The following IQCM variants were observed in gnomAD, a reference collection of about 807,000 sequenced individuals.
IQCM encodes the protein IQ domain-containing protein M.
A neutral mutation model predicts 57.6 loss-of-function variants in IQCM; 45 were observed. That is an observed-to-expected ratio of 0.78 (90% CI 0.62 to 1.00). The LOEUF (loss-of-function observed/expected upper bound fraction) is 1.00, where lower values mean the gene tolerates loss of function less well. Ranked by LOEUF, IQCM falls within the 50% of genes least tolerant of loss-of-function variation. The pLI is 0.00. For synonymous variants in IQCM, 148 were observed against 158.9 expected, an observed-to-expected ratio of 0.93 and a Z score of 0.51; for missense variants, 468 against 511.6, an observed-to-expected ratio of 0.91 and a Z score of 0.82.
chr4:149,382,665 A>G (rs1251822548), intron 13 of IQCM, among the ~76,000 whole-genome samples: 1 of 152,156 alleles, frequency 6.6e-6, no homozygotes, highest in African/African-American at 2.4e-5. Flanking sequence ...TTCTCAGATA[A>G]AAACACAATG....
At chr4:149,409,443 G>A (rs1285492089) in intron 13 of IQCM, among the ~76,000 whole-genome samples, 1 of 152,188 alleles carries the variant, frequency 6.6e-6, no homozygotes, top group Non-Finnish European at 1.5e-5. Flanking sequence ...TATCAATCTG[G>A]CATTTCACTA....
chr4:149,593,276 G>C (rs1579619398), intron 8 of IQCM, among the ~76,000 whole-genome samples: 1 of 151,980 alleles, frequency 6.6e-6, no homozygotes, highest in African/African-American at 2.4e-5. Context: ...TTGGTGTATA[G>C]GAATGCTTGT....
rs538988252 is a variant in IQCM, at chr4:149,645,160, C to T, written c.566-23916G>A. ...TTCCTCCTCATTTACTCTTTAGTTT[C>T]CAGAAATGTCTTATACATGTAGGTT... On this transcript the variant is annotated intron_variant, in intron 7 of 13. Coordinates refer to ENST00000636793, the MANE Select transcript of IQCM (RefSeq NM_001363507.2). Among the ~76,000 whole-genome samples the T allele has an allele frequency of 2.8e-3, 431 of 152,244 alleles. 4 individuals are homozygous for T. Among genetic ancestry groups the T allele is most frequent in the Non-Finnish European group, 5.0e-3 (340 of 68,010 alleles).
At chr4:149,554,557 G>A (rs927178441) in intron 10 of IQCM, among the ~76,000 whole-genome samples, 4 of 151,714 alleles carry the variant, frequency 2.6e-5, no homozygotes, top group Non-Finnish European at 4.4e-5. Context: ...CTCATGATCT[G>A]CCCACCTCGG....
intron 7 of IQCM, among the ~76,000 whole-genome samples, chr4:149,649,303 G>A (rs1758946380): frequency 6.6e-6 from 1 of 151,878 alleles, no homozygotes; most frequent in South Asian, 2.1e-4. Context: ...ATGCAGCGAG[G>A]GTCTTTTATG....
intron 12 of IQCM, among the ~76,000 whole-genome samples, chr4:149,449,975 T>C (rs1229795989): frequency 1.3e-5 from 2 of 151,766 alleles, no homozygotes; most frequent in East Asian, 1.9e-4. Context: ...ACAGCTATGG[T>C]AACCAAAATA....
At chr4:149,770,049 A>C (rs777913749) in intron 2 of IQCM, among the ~76,000 whole-genome samples, 1 of 152,060 alleles carries the variant, frequency 6.6e-6, no homozygotes, top group South Asian at 2.1e-4. Context: ...TAAACTCCAA[A>C]GCTCATTCTT....
chr4:149,426,717 G>A (rs1349263960), intron 13 of IQCM, among the ~76,000 whole-genome samples: 1 of 151,978 alleles, frequency 6.6e-6, no homozygotes, highest in East Asian at 1.9e-4. Flanking sequence ...CTGCTGGAGT[G>A]TCCTCATGAC....
At chr4:149,452,292 C>A (rs557016365) in intron 12 of IQCM, among the ~76,000 whole-genome samples, 2 of 150,856 alleles carry the variant, frequency 1.3e-5, no homozygotes, top group South Asian at 4.2e-4. Flanking sequence ...AGATTCAATG[C>A]AATCCCAATT....
At chr4:149,739,362 A>G (rs1230769445) in intron 3 of IQCM, among the ~76,000 whole-genome samples, 2 of 152,076 alleles carry the variant, frequency 1.3e-5, no homozygotes, top group East Asian at 3.8e-4. Context: ...AAAACAGCAC[A>G]GCACCTAACA....
chr4:149,354,746 T>C (rs1728839273), intron 13 of IQCM, among the ~76,000 whole-genome samples: 1 of 152,160 alleles, frequency 6.6e-6, no homozygotes, highest in African/African-American at 2.4e-5. Flanking sequence ...TTCCCTACTT[T>C]TGAAATTGGG....
intron 12 of IQCM, among the ~76,000 whole-genome samples, chr4:149,542,375 G>A (rs1747937496): frequency 6.6e-6 from 1 of 152,060 alleles, no homozygotes; most frequent in African/African-American, 2.4e-5. Context: ...GGCAGCTCTT[G>A]CTATCAAGAA....
At chr4:149,746,830 T>A (rs1024718136) in intron 2 of IQCM, among the ~76,000 whole-genome samples, 2 of 152,140 alleles carry the variant, frequency 1.3e-5, no homozygotes, top group African/African-American at 2.4e-5. Context: ...TGGGCAAGAG[T>A]TCGTGCCTCC....
intron 13 of IQCM, among the ~76,000 whole-genome samples, chr4:149,430,439 C>A (rs1282091954): frequency 2.0e-5 from 3 of 151,884 alleles, no homozygotes; most frequent in African/African-American, 2.4e-5. Flanking sequence ...GAAATGATAA[C>A]CACAATCAAG....
At chr4:149,576,341 C>A (rs1265296251) in intron 9 of IQCM, among the ~76,000 whole-genome samples, 1 of 151,716 alleles carries the variant, frequency 6.6e-6, no homozygotes, top group Non-Finnish European at 1.5e-5. Context: ...GTCTATTGTG[C>A]CCTTCCTTGT....
Position 149,505,262 on chromosome 4 carries a change from T to C in IQCM, c.1228+43193A>G, listed in dbSNP as rs558261717. ...AAAGAAAACAGAAATTGCTCAGTTA[T>C]AGAACATCAATGACTAGATGTAATT... On this transcript the variant is annotated intron_variant, in intron 12 of 13. Coordinates refer to ENST00000636793, the MANE Select transcript of IQCM (RefSeq NM_001363507.2). Among the ~76,000 whole-genome samples, 21 of 152,308 alleles carry C rather than the reference T, an allele frequency of 1.4e-4. No individual in the cohort carries two copies. In the East Asian group the frequency reaches 3.3e-3, roughly 24 times the overall value.
At chr4:149,502,798 C>T (rs906266365) in intron 12 of IQCM, among the ~76,000 whole-genome samples, 3 of 152,136 alleles carry the variant, frequency 2.0e-5, no homozygotes, top group Admixed American at 1.3e-4. Flanking sequence ...ATCATCCTGA[C>T]AGAATGTAGA....
chr4:149,449,784 A>G (rs1188232494), intron 12 of IQCM, among the ~76,000 whole-genome samples: 1 of 151,830 alleles, frequency 6.6e-6, no homozygotes, highest in Non-Finnish European at 1.5e-5. Flanking sequence ...ATACTACCCA[A>G]AGAAATCTAC....
chr4:149,739,291 A>T (rs67312274), intron 3 of IQCM, among the ~76,000 whole-genome samples: 128,631 of 151,974 alleles, frequency 0.85, 54,641 homozygotes, highest in East Asian at 0.99. Flanking sequence ...ATTTGTAAAC[A>T]GAGGATAATA....
Sources: gnomAD v4.1 joint callset for allele counts (sites outside exome capture counted in the v4.1 genomes callset) on GRCh38, gnomAD v4.1.1 for gene constraint, MANE v1.5 for transcripts, NCBI Gene and HGNC (gene_info 2026-07-23, HGNC 2026-07-21) for gene names.